BACE2: variants seen among roughly 807,000 people sequenced by gnomAD.
BACE2 encodes the protein 56 kDa aspartic-like protease.
Under a neutral mutation model 46.2 loss-of-function variants are expected in BACE2, and 17 were observed. The observed-to-expected ratio is 0.37, with a 90% CI of 0.25 to 0.55. The LOEUF is 0.55. Among genes scored for constraint, BACE2 ranks in the 20% least tolerant of loss-of-function variants. The pLI is 0.82. For synonymous variants in BACE2, 277 were observed against 295.9 expected (o/e 0.94, Z 0.66); for missense variants, 595 against 698.1 (o/e 0.85, Z 1.66).
intron 1 of BACE2, among the ~76,000 whole-genome samples, chr21:41,170,915 C>T (rs766814251): frequency 7.2e-5 from 11 of 152,190 alleles, no homozygotes; most frequent in South Asian, 2.1e-4. Flanking sequence ...CACCACCCCT[C>T]GGGGGTCTTA....
intron 1 of BACE2, among the ~76,000 whole-genome samples, chr21:41,204,090 C>A (rs1986050914): frequency 6.6e-6 from 1 of 152,204 alleles, no homozygotes; most frequent in Non-Finnish European, 1.5e-5. Flanking sequence ...AGTCTTGGCT[C>A]ACTGTAGCCT....
At chr21:41,182,730 A>G (rs530682422) in intron 1 of BACE2, 1 of 167,172 alleles carries the variant, frequency 6.0e-6, no homozygotes, top group South Asian at 2.1e-4. Flanking sequence ...TACACAGACC[A>G]TCTACAACAT....
intron 8 of BACE2, among the ~76,000 whole-genome samples, chr21:41,271,365 A>G (rs796343296): frequency 5.3e-5 from 8 of 152,158 alleles, no homozygotes; most frequent in Non-Finnish European, 1.0e-4. Flanking sequence ...AATAGTTTTT[A>G]CATTTTTAAA....
In BACE2 at chr21:41,278,831, G is replaced by A. The variant is rs988551538; in HGVS notation, c.*3207G>A. On this transcript the variant is annotated 3_prime_UTR_variant, in exon 9 of 9. Transcript: ENST00000330333. ...TCTAAGTTCTGGACTAGTGCCACTC[G>A]ATATCATTGGGAATAAATCGTTGTT... is the stretch of plus-strand genomic sequence containing the variant. 6 of 152,098 alleles carry A rather than the reference G, an allele frequency of 3.9e-5. No homozygotes were observed. Among genetic ancestry groups the A allele is most frequent in the Admixed American group, 3.3e-4 (5 of 15,250 alleles). 9.4% of individuals were successfully genotyped at this position (152,098 alleles called of 1,614,324 possible).
intron 8 of BACE2, among the ~76,000 whole-genome samples, chr21:41,274,975 T>A (rs543901711): frequency 1.5e-4 from 23 of 152,240 alleles, no homozygotes; most frequent in African/African-American, 5.5e-4. Flanking sequence ...TCTCCTTCTC[T>A]TTCTCCTCTT....
chr21:41,203,435 G>A lies in BACE2; in HGVS notation c.313-22831G>A, dbSNP rs377707133. On this transcript the variant is annotated intron_variant, in intron 1 of 8. Coordinates refer to ENST00000330333, the MANE Select transcript of BACE2 (RefSeq NM_012105.5). ...CTTGTGTGCTGGAGGAACCCAAGGCGGCCTGTGGTGGAGCCTGGTAGGTGA... is the reference window on the plus strand; with the variant it reads ...CTTGTGTGCTGGAGGAACCCAAGGCAGCCTGTGGTGGAGCCTGGTAGGTGA... 9.2e-5 allele frequency among the ~76,000 whole-genome samples: 14 copies of A among 152,228 alleles called. No individual in the cohort carries two copies. In the East Asian group the frequency reaches 1.4e-3, roughly 15 times the overall value.
chr21:41,207,084 A>G (rs781083459), intron 1 of BACE2, among the ~76,000 whole-genome samples: 1 of 152,204 alleles, frequency 6.6e-6, no homozygotes, highest in Non-Finnish European at 1.5e-5. Flanking sequence ...AACTCCAGAA[A>G]CATCTTGAGA....
At chr21:41,204,569 C>T (rs1022246041) in intron 1 of BACE2, among the ~76,000 whole-genome samples, 1 of 152,220 alleles carries the variant, frequency 6.6e-6, no homozygotes, top group Admixed American at 6.5e-5. Flanking sequence ...ACATATTTAA[C>T]ACTCACGTTC....
At chr21:41,188,279 T>G (rs1280487728) in intron 1 of BACE2, among the ~76,000 whole-genome samples, 2 of 152,140 alleles carry the variant, frequency 1.3e-5, no homozygotes, top group African/African-American at 4.8e-5. Flanking sequence ...CATCTCTGTA[T>G]CCATGGACAT....
chr21:41,242,042 T>C (rs563824296), intron 4 of BACE2, 95 bp downstream of exon 4: 5 of 1,529,688 alleles, frequency 3.3e-6, no homozygotes, highest in East Asian at 2.3e-5. Flanking sequence ...ATATTAGGCA[T>C]GTAGGTGTGC....
At position 41,246,701 on chromosome 21, in the gene BACE2, G is replaced by A. The variant is rs116345404; in HGVS notation, c.984+638G>A. Among the ~76,000 whole-genome samples, 757 of 152,234 alleles carry A rather than the reference G, an allele frequency of 5.0e-3. 1 individual carries two copies. Among genetic ancestry groups the A allele is most frequent in the African/African-American group, 0.018 (731 of 41,538 alleles). ...TATGCCTTTTCGGGACCTGGCTGAT[G>A]GTATTTCTGGTGTGACCCCAACTTT... is the stretch of plus-strand genomic sequence containing the variant. On this transcript the variant is annotated intron_variant, in intron 6 of 8. Coordinates refer to ENST00000330333, the MANE Select transcript of BACE2 (RefSeq NM_012105.5).
chr21:41,173,216 T>G (rs1568853494), intron 1 of BACE2, among the ~76,000 whole-genome samples: 1 of 152,264 alleles, frequency 6.6e-6, no homozygotes, highest in Non-Finnish European at 1.5e-5. Context: ...CTATGGATTT[T>G]TTTTCTTTGA....
At chr21:41,236,092 T>C (rs1449148091) in intron 2 of BACE2, among the ~76,000 whole-genome samples, 1 of 152,248 alleles carries the variant, frequency 6.6e-6, no homozygotes. Flanking sequence ...GATTATTTTC[T>C]TAGGAGGAGC....
intron 1 of BACE2, among the ~76,000 whole-genome samples, chr21:41,223,976 G>T (rs1263884073): frequency 6.6e-6 from 1 of 152,148 alleles, no homozygotes; most frequent in East Asian, 1.9e-4. Context: ...GAGATGAGAA[G>T]CACCTGTCCG....
At chr21:41,169,684 C>T (rs550555490) in intron 1 of BACE2, among the ~76,000 whole-genome samples, 2 of 152,278 alleles carry the variant, frequency 1.3e-5, no homozygotes, top group South Asian at 4.1e-4. Context: ...AGAGGAAAGA[C>T]ATGCCATGCT....
rs1185748572 is a variant in BACE2, at chr21:41,274,636, T to A, written c.1304-735T>A. ...TTAAGAAATCATCTCAACTTCCTTC[T>A]TGGTTTGAAGTTATTCAAGAGTCTC... is the stretch of plus-strand genomic sequence containing the variant. On this transcript the variant is annotated intron_variant, in intron 8 of 8. Transcript: ENST00000330333. Among the ~76,000 whole-genome samples, 3 of 152,164 alleles carry A rather than the reference T, an allele frequency of 2.0e-5. No homozygotes were observed. The East Asian group carries it at 5.8e-4, about 29-fold the overall frequency.
intron 2 of BACE2, among the ~76,000 whole-genome samples, chr21:41,226,963 C>T (rs1277967266): frequency 6.6e-6 from 1 of 152,128 alleles, no homozygotes; most frequent in Admixed American, 6.6e-5. Flanking sequence ...AAAAGTGTAG[C>T]CTGATGGAGG....
At chr21:41,199,054 A>G (rs1475983395) in intron 1 of BACE2, among the ~76,000 whole-genome samples, 1 of 115,572 alleles carries the variant, frequency 8.7e-6, no homozygotes, top group South Asian at 3.1e-4. Context: ...CCCATGTGTG[A>G]TGTTCCCCTT....
In BACE2 at chr21:41,232,962, G is replaced by A. The variant is rs935329110; in HGVS notation, c.402-4551G>A. Among the ~76,000 whole-genome samples the A allele has an allele frequency of 6.0e-5, 9 of 148,910 alleles. No homozygotes were observed. The East Asian group carries it at 1.2e-3, about 20-fold the overall frequency. The stretch of plus-strand genomic sequence containing the variant: ...CGGCTCACTGCAAGCTCCACCTCCC[G>A]GGTTCATGCCATTCTCCTGCCTCAG... On this transcript the variant is annotated intron_variant, in intron 2 of 8. Transcript: ENST00000330333.
Sources: allele counts gnomAD v4.1 joint callset (sites outside exome capture counted in the v4.1 genomes callset), GRCh38; gene constraint gnomAD v4.1.1; transcripts MANE v1.5; gene names NCBI Gene and HGNC (gene_info 2026-07-23, HGNC 2026-07-21).